The following ADAM29 variants were observed in gnomAD, a reference collection of about 807,000 sequenced individuals.
ADAM29 encodes the protein ADAM metallopeptidase domain 29.
For synonymous variants in ADAM29, 367 were observed against 342.3 expected (o/e 1.07, Z -0.80); for missense variants, 969 against 1,001.8 (o/e 0.97, Z 0.44).
intron 3 of ADAM29, among the ~76,000 whole-genome samples, chr4:174,935,589 G>A (rs1744159767): frequency 6.6e-6 from 1 of 152,006 alleles, no homozygotes; most frequent in East Asian, 1.9e-4. Context: ...TATTTAGGAA[G>A]CAATATAAAA....
intron 1 of ADAM29, among the ~76,000 whole-genome samples, chr4:174,919,200 C>T (rs1381947356): frequency 6.6e-6 from 1 of 152,034 alleles, no homozygotes; most frequent in Non-Finnish European, 1.5e-5. Context: ...AATTTTTTCT[C>T]AAAGTAAAGT....
In ADAM29 at chr4:174,976,926, G is replaced by C; in HGVS notation, c.1401G>C (p.Trp467Cys). Residue 467 changes from tryptophan to cysteine, a missense_variant, in exon 5 of 5, where the codon TGG becomes TGC. By Grantham distance (215) the Trp-to-Cys change is radical (BLOSUM62 -2). Coordinates refer to ENST00000359240, the MANE Select transcript of ADAM29 (RefSeq NM_014269.4). Reference protein sequence around the residue: ...KEVNECDLPEWCNGTSHKCPD... With the variant: ...KEVNECDLPECCNGTSHKCPD... ...TCAATGAATGTGATCTTCCAGAGTG[G>C]TGCAATGGTACTTCCCATAAGTGCC... is the stretch of plus-strand genomic sequence containing the variant. The C allele has an allele frequency of 6.2e-7, 1 of 1,614,128 alleles. No individual in the cohort carries two copies. Among genetic ancestry groups the C allele is most frequent in the Non-Finnish European group, 8.5e-7 (1 of 1,180,028 alleles).
chr4:174,930,365 T>A (rs879872182), intron 2 of ADAM29, among the ~76,000 whole-genome samples: 1 of 152,196 alleles, frequency 6.6e-6, no homozygotes, highest in Admixed American at 6.5e-5. Flanking sequence ...TAATAATATG[T>A]CTCTTCATTC....
chr4:174,923,519 TTATATGTATATATATATATATATA>T (rs1483932352), intron 2 of ADAM29, among the ~76,000 whole-genome samples: 893 of 36,774 alleles, frequency 0.024, 25 homozygotes, highest in African/African-American at 0.048. Flanking sequence ...ATACTGTGCA[TTATATGTATATATATATATATATA>T]TATATATATA....
rs1744625728 is a variant in ADAM29, at chr4:174,942,964, G to C, written c.-181+5951G>C. 3.9e-5 allele frequency among the ~76,000 whole-genome samples: 6 copies of C among 152,120 alleles called. No individual in the cohort carries two copies. The South Asian group carries it at 1.2e-3, about 32-fold the overall frequency. On this transcript the variant is annotated intron_variant, in intron 4 of 4. Coordinates refer to ENST00000359240, the MANE Select transcript of ADAM29 (RefSeq NM_014269.4). ...AGCCAGGTCACATCTTGAGTACTTTGCTGCTTAGAAATTTCTTCTGTCAGA... is the reference window on the plus strand; with the variant it reads ...AGCCAGGTCACATCTTGAGTACTTTCCTGCTTAGAAATTTCTTCTGTCAGA...
intron 2 of ADAM29, among the ~76,000 whole-genome samples, chr4:174,921,374 C>T (rs1267372267): frequency 6.6e-6 from 1 of 152,170 alleles, no homozygotes; most frequent in African/African-American, 2.4e-5. Context: ...GGCCTCTGTA[C>T]TCAACCAACA....
intron 4 of ADAM29, among the ~76,000 whole-genome samples, 178 bp from the exon 5 acceptor site, chr4:174,975,168 C>G (rs1172064200): frequency 6.6e-6 from 1 of 152,146 alleles, no homozygotes; most frequent in African/African-American, 2.4e-5. Context: ...TCCCTATTCC[C>G]TTTTCCCTAT....
intron 2 of ADAM29, among the ~76,000 whole-genome samples, chr4:174,930,260 A>G (rs1743786409): frequency 1.3e-5 from 2 of 152,220 alleles, no homozygotes; most frequent in South Asian, 4.1e-4. Flanking sequence ...ATGAAACTCT[A>G]TCCCCACTCA....
intron 4 of ADAM29, among the ~76,000 whole-genome samples, chr4:174,948,196 T>G (rs1744960567): frequency 6.6e-6 from 1 of 152,218 alleles, no homozygotes; most frequent in South Asian, 2.1e-4. Context: ...GAACCATTGC[T>G]GGGAAACTAC....
At chr4:174,970,061 G>A (rs1391171730) in intron 4 of ADAM29, among the ~76,000 whole-genome samples, 4 of 151,130 alleles carry the variant, frequency 2.6e-5, no homozygotes, top group African/African-American at 7.3e-5. Flanking sequence ...CACCTTGATA[G>A]GTACAAGAAA....
intron 3 of ADAM29, among the ~76,000 whole-genome samples, chr4:174,933,499 A>C (rs1248468439): frequency 1.3e-5 from 2 of 152,162 alleles, no homozygotes; most frequent in East Asian, 1.9e-4. Flanking sequence ...TTTTAGGTTC[A>C]GGGGTACACG....
rs770084098 is a variant in ADAM29, at chr4:174,977,949, G to T, written c.2424G>T (p.Leu808Phe). Residue 808 changes from leucine (L) to phenylalanine (F), a missense_variant, in exon 5 of 5, where the codon TTG (leucine) becomes TTT (phenylalanine). Physicochemically the swap from Leu to Phe is conservative, Grantham distance 22. Transcript: ENST00000359240. ...PVTPSQRQPQ[L>F]MPSQSQPPVT... is the part of the protein sequence containing the mutation. ...CACCCTCCCAGAGGCAACCTCAGTT[G>T]ATGCCTTCCCAGAGTCAACCTCCTG... is the stretch of plus-strand genomic sequence containing the variant. 1 of 1,593,448 alleles carries T rather than the reference G, an allele frequency of 6.3e-7. No homozygotes were observed. The highest frequency in any genetic ancestry group is 8.6e-7 in the Non-Finnish European group (1 of 1,168,682).
intron 4 of ADAM29, among the ~76,000 whole-genome samples, chr4:174,951,626 T>C (rs1451601326): frequency 6.6e-6 from 1 of 152,190 alleles, no homozygotes; most frequent in Admixed American, 6.5e-5. Flanking sequence ...ATTTACTTTA[T>C]ATATCAAGAA....
intron 4 of ADAM29, among the ~76,000 whole-genome samples, chr4:174,955,066 G>A (rs1434289232): frequency 7.0e-6 from 1 of 142,934 alleles, no homozygotes; most frequent in Non-Finnish European, 1.5e-5. Context: ...ATGTATGTTA[G>A]TAATAGTATT....
Position 174,934,739 on chromosome 4 carries a change from A to T in ADAM29, c.-261-2194A>T, listed in dbSNP as rs372654018. Among the ~76,000 whole-genome samples, 8 of 152,306 alleles carry T rather than the reference A, an allele frequency of 5.3e-5. No homozygotes were observed. The South Asian group carries it at 8.3e-4, about 16-fold the overall frequency. On this transcript the variant is annotated intron_variant, in intron 3 of 4. Coordinates refer to ENST00000359240, the MANE Select transcript of ADAM29 (RefSeq NM_014269.4). ...CAGGAGATGCTGATGCACGGATGGA[A>T]TTGAAAACCGCTGTTGTAGTTAACT...
chr4:174,943,835 C>G (rs1033509306), intron 4 of ADAM29, among the ~76,000 whole-genome samples: 1 of 150,928 alleles, frequency 6.6e-6, no homozygotes, highest in African/African-American at 2.4e-5. Context: ...AAAAGGAAGT[C>G]GTTCAGTGAT....
chr4:174,940,902 AC>A (rs1291375295), intron 4 of ADAM29, among the ~76,000 whole-genome samples: 11 of 152,252 alleles, frequency 7.2e-5, no homozygotes, highest in Admixed American at 1.3e-4. Context: ...ATGGTGCATA[AC>A]CATTGTTTTA....
At chr4:174,972,735 C>T (rs750543475) in intron 4 of ADAM29, among the ~76,000 whole-genome samples, 18 of 152,156 alleles carry the variant, frequency 1.2e-4, no homozygotes, top group Non-Finnish European at 2.4e-4. Flanking sequence ...CTGTGATAGG[C>T]CTCTCAGAGC....
chr4:174,952,402 A>G (rs910416999), intron 4 of ADAM29, among the ~76,000 whole-genome samples: 1 of 151,998 alleles, frequency 6.6e-6, no homozygotes. Context: ...GCAGTTTAAA[A>G]TGGGTGACTG....
Sources: gnomAD v4.1 joint callset for allele counts (sites outside exome capture counted in the v4.1 genomes callset) on GRCh38, gnomAD v4.1.1 for gene constraint, MANE v1.5 for transcripts, NCBI Gene and HGNC (gene_info 2026-07-23, HGNC 2026-07-21) for gene names.